MACF1: variants seen among roughly 807,000 people sequenced by gnomAD.
MACF1 encodes microtubule actin crosslinking factor 1.
Under a neutral mutation model 854.8 loss-of-function variants are expected in MACF1, and 193 were observed. The ratio of observed to expected loss-of-function variants is 0.23; its 90% CI spans 0.20 to 0.25. The LOEUF (loss-of-function observed/expected upper bound fraction) is 0.25, where lower values mean the gene tolerates loss of function less well. MACF1 is among the 10% of genes least tolerant of loss of function. MACF1 has a pLI of 1.00. For synonymous variants in MACF1, 3,185 were observed against 3,226.7 expected, an observed-to-expected ratio of 0.99 and a Z score of 0.44; for missense variants, 7,722 against 8,929.1, an observed-to-expected ratio of 0.86 and a Z score of 5.45.
chr1:39,160,524 A>T (rs1161118059), intron 2 of MACF1, among the ~76,000 whole-genome samples: 1 of 152,202 alleles, frequency 6.6e-6, no homozygotes, highest in African/African-American at 2.4e-5. Context: ...TCACTTATAT[A>T]CACTGTATAA....
At position 39,379,204 on chromosome 1, in the gene MACF1, T is replaced by G; in HGVS notation, c.13278T>G (p.Asp4426Glu). ...TGATTTCTGTTTCTATGATACTAGA[T>G]CTGACGGAGATCCAGTGTGACATGT... is the stretch of plus-strand genomic sequence containing the variant. Reference protein sequence around the residue: ...GSVNGYHTCKDLTEIQCDMSD... With the variant: ...GSVNGYHTCKELTEIQCDMSD... Residue 4426 changes from aspartate to glutamate, a missense_variant and splice_region_variant, in exon 54 of 101, where the codon GAT becomes GAG. This residue lies in a region of MACF1 where 2,807 missense variants were observed against 3,235.8 expected (regional missense o/e 0.87). Transcript: ENST00000564288. The G allele has an allele frequency of 1.3e-6, 2 of 1,591,892 alleles. No homozygotes were observed. The highest frequency in any genetic ancestry group is 1.7e-6 in the Non-Finnish European group (2 of 1,169,036).
intron 84 of MACF1, among the ~76,000 whole-genome samples, chr1:39,450,642 C>T (rs1207960092): frequency 1.0e-4 from 13 of 127,878 alleles, no homozygotes; most frequent in Admixed American, 8.3e-4. Flanking sequence ...GATGGAATCT[C>T]GCTCTGTCTC....
At chr1:39,293,699 T>G (rs1170458793) in intron 18 of MACF1, 80 bp downstream of exon 18, 3 of 1,311,120 alleles carry the variant, frequency 2.3e-6, no homozygotes, top group African/African-American at 1.8e-5. Flanking sequence ...GCTGAAAGCT[T>G]GGGTGGCTGG....
Position 39,353,098 on chromosome 1 carries a change from T to G in MACF1, c.11291T>G (p.Leu3764Arg). The change falls in exon 44 of 101, where the codon CTG becomes CGG. Residue 3764 changes from leucine to arginine, a missense_variant. Leu to Arg is a moderately radical substitution (Grantham distance 102, BLOSUM62 -2). This residue lies in a region of MACF1 where 2,807 missense variants were observed against 3,235.8 expected (regional missense o/e 0.87). Transcript: ENST00000564288. ...TCAGTAGGATCATCTGGTGGACAGC[T>G]GCTGACCAACCTTCCAGGAATGGAG... ...VTSVGSSGGQ[L>R]LTNLPGMEQL... 3 of 1,614,186 alleles carry G rather than the reference T, an allele frequency of 1.9e-6. No homozygotes were observed. Among genetic ancestry groups the G allele is most frequent in the Non-Finnish European group, 2.5e-6 (3 of 1,180,034 alleles).
chr1:39,239,471 G>A (rs181193848), intron 2 of MACF1, among the ~76,000 whole-genome samples: 8 of 152,296 alleles, frequency 5.3e-5, no homozygotes, highest in Non-Finnish European at 7.4e-5. Flanking sequence ...AAAGAGATTT[G>A]TTAAGGATAT....
intron 55 of MACF1, among the ~76,000 whole-genome samples, 157 bp from the exon 56 acceptor site, chr1:39,381,796 C>G (rs904616450): frequency 6.6e-6 from 1 of 152,134 alleles, no homozygotes; most frequent in African/African-American, 2.4e-5. Context: ...TGCCACTGCT[C>G]TATCCTGGGT....
intron 62 of MACF1, 134 bp downstream of exon 62, chr1:39,427,748 G>C: frequency 2.0e-6 from 2 of 1,017,724 alleles, no homozygotes; most frequent in Non-Finnish European, 2.8e-6. Context: ...TTATTAATTG[G>C]AAAAGTCACA....
intron 95 of MACF1, among the ~76,000 whole-genome samples, chr1:39,468,403 T>A (rs1006889209): frequency 2.6e-5 from 4 of 152,208 alleles, no homozygotes; most frequent in Non-Finnish European, 5.9e-5. Context: ...AAGAAAAAAG[T>A]ATATCAAGAC....
chr1:39,383,779 A>C (rs1269723185), intron 56 of MACF1, among the ~76,000 whole-genome samples: 1 of 152,046 alleles, frequency 6.6e-6, no homozygotes, highest in African/African-American at 2.4e-5. Flanking sequence ...CGGGAGGCTG[A>C]GGCAGGAGAA....
chr1:39,209,949 G>A (rs1327973332), intron 1 of MACF1, among the ~76,000 whole-genome samples: 3 of 152,090 alleles, frequency 2.0e-5, no homozygotes, highest in Non-Finnish European at 4.4e-5. Flanking sequence ...AATTAGCTGG[G>A]TGTGGTGGTG....
intron 58 of MACF1, chr1:39,412,618 C>T (rs1643068323): frequency 6.2e-7 from 1 of 1,613,934 alleles, no homozygotes; most frequent in Non-Finnish European, 8.5e-7. Flanking sequence ...TGATACAAAG[C>T]CTGAGCTGAA....
intron 64 of MACF1, 145 bp from the exon 65 acceptor site, chr1:39,429,682 C>T: frequency 1.3e-6 from 1 of 761,064 alleles, no homozygotes; most frequent in South Asian, 1.9e-5. Context: ...TTCCCATTTG[C>T]CCTTAGTATG....
At chr1:39,423,536 G>A (rs1643620098) in intron 60 of MACF1, among the ~76,000 whole-genome samples, 1 of 151,044 alleles carries the variant, frequency 6.6e-6, no homozygotes, top group Non-Finnish European at 1.5e-5. Flanking sequence ...TCGGGAGGCT[G>A]AGGCAGAAGA....
intron 84 of MACF1, 44 bp from the exon 85 acceptor site, chr1:39,451,008 A>G: frequency 6.3e-7 from 1 of 1,595,714 alleles, no homozygotes; most frequent in South Asian, 1.1e-5. Context: ...GGCCATTTGT[A>G]AAAGGAATCC....
Position 39,379,370 on chromosome 1 carries a change from G to T in MACF1, c.13444G>T (p.Val4482Phe). 6.2e-7 allele frequency: 1 copy of T among 1,614,124 alleles called. No individual in the cohort carries two copies. Reference sequence around the variant, plus strand: ...GCAGTGGCTGGAATCAAAAGAGGAAGTCCTGAAATCCATGGATGCCATGTC... The same window carrying T: ...GCAGTGGCTGGAATCAAAAGAGGAATTCCTGAAATCCATGGATGCCATGTC... Reference protein sequence around the residue: ...VLQWLESKEEVLKSMDAMSSP... With the variant: ...VLQWLESKEEFLKSMDAMSSP... The change falls in exon 54 of 101, where the codon GTC (valine) becomes TTC (phenylalanine). Residue 4482 changes from valine to phenylalanine, a missense_variant. Val to Phe is a conservative substitution (Grantham distance 50, BLOSUM62 -1). This residue lies in a region of MACF1 where 2,807 missense variants were observed against 3,235.8 expected (regional missense o/e 0.87). Transcript: ENST00000564288.
Position 39,331,572 on chromosome 1 carries a change from A to C in MACF1, c.4984A>C (p.Ser1662Arg), listed in dbSNP as rs146019856. 1,680 of 1,614,196 alleles carry C rather than the reference A, an allele frequency of 1.0e-3. 1 individual carries two copies. The highest frequency in any genetic ancestry group is 1.3e-3 in the Non-Finnish European group (1,547 of 1,180,022). ...LEAHLATGGF[S>R]LSPSENCINL... ...AGCTCACCTGGCAACTGGAGGTTTC[A>C]GTCTTTCCCCTAGTGAGAACTGTAT... The change falls in exon 37 of 101, where the codon AGT becomes CGT. Residue 1662 changes from serine (S) to arginine (R), a missense_variant. By Grantham distance (110) the Ser-to-Arg change is moderately radical. This residue lies in a region of MACF1 where 1,531 missense variants were observed against 1,601.6 expected (regional missense o/e 0.96). Transcript: ENST00000564288.
At chr1:39,198,997 C>CT (rs1644356390) in intron 2 of MACF1, among the ~76,000 whole-genome samples, 1 of 151,822 alleles carries the variant, frequency 6.6e-6, no homozygotes, top group South Asian at 2.1e-4. Flanking sequence ...GAATTTTTTT[C>CT]TTTTTTGAGA....
At chr1:39,411,322 GAGA>G (rs755850287) in intron 58 of MACF1, 10 of 1,613,924 alleles carry the variant, frequency 6.2e-6, no homozygotes, top group African/African-American at 2.7e-5. Flanking sequence ...GATGGCAGAT[GAGA>G]AGAACAGCCT....
chr1:39,458,334 T>C (rs1368466922), intron 89 of MACF1, 36 bp from the exon 90 acceptor site: 4 of 1,603,804 alleles, frequency 2.5e-6, no homozygotes, highest in Non-Finnish European at 3.4e-6. Flanking sequence ...AAAAATACAA[T>C]ATTTAACTCT....
Sources: allele counts gnomAD v4.1 joint callset (sites outside exome capture counted in the v4.1 genomes callset), GRCh38; gene constraint gnomAD v4.1.1; regional missense constraint gnomAD v4.1.1; transcripts MANE v1.5; gene names NCBI Gene and HGNC (gene_info 2026-07-23, HGNC 2026-07-21).